The following LRMDA variants were observed in gnomAD, a reference collection of about 807,000 sequenced individuals.
LRMDA encodes leucine rich melanocyte differentiation associated, also known as leucine-rich melanocyte differentiation-associated protein.
LRMDA carries 18 observed loss-of-function variants against 29.8 expected under a neutral mutation model. That is an observed-to-expected ratio of 0.60 (90% CI 0.42 to 0.90). LRMDA has a LOEUF of 0.90. Ranked by LOEUF, LRMDA falls within the 40% of genes least tolerant of loss-of-function variation. The pLI is 0.00. For missense variants in LRMDA, 273 were observed against 273.9 expected, an observed-to-expected ratio of 1.00 and a Z score of 0.02; for synonymous variants, 125 against 109.4, an observed-to-expected ratio of 1.14 and a Z score of -0.89.
chr10:75,775,757 A>T (rs1843303527), intron 2 of LRMDA, among the ~76,000 whole-genome samples: 1 of 152,122 alleles, frequency 6.6e-6, no homozygotes, highest in African/African-American at 2.4e-5. Flanking sequence ...TTCTTATGGC[A>T]TTGTCCAAGG....
At chr10:76,527,049 C>CAA (rs34187065) in intron 6 of LRMDA, among the ~76,000 whole-genome samples, 58 of 105,500 alleles carry the variant, frequency 5.5e-4, no homozygotes, top group Non-Finnish European at 6.7e-4. Context: ...TCAGGTCTGA[C>CAA]AAAAAAAAAA....
intron 2 of LRMDA, among the ~76,000 whole-genome samples, chr10:75,980,337 C>T (rs905979985): frequency 1.3e-5 from 2 of 152,228 alleles, no homozygotes; most frequent in African/African-American, 4.8e-5. Flanking sequence ...TCCCCCTTCT[C>T]CAGCACCCAG....
At chr10:75,616,657 A>C (rs1841106244) in intron 2 of LRMDA, among the ~76,000 whole-genome samples, 1 of 152,192 alleles carries the variant, frequency 6.6e-6, no homozygotes, top group Admixed American at 6.5e-5. Flanking sequence ...TAATACAGCA[A>C]AGCTAATTTC....
At chr10:76,349,829 G>A (rs1244171039) in intron 6 of LRMDA, among the ~76,000 whole-genome samples, 1 of 151,974 alleles carries the variant, frequency 6.6e-6, no homozygotes, top group Non-Finnish European at 1.5e-5. Context: ...CCAATCCTAA[G>A]TTCCAGAAAT....
At chr10:75,848,065 A>G (rs1374235591) in intron 2 of LRMDA, among the ~76,000 whole-genome samples, 1 of 152,222 alleles carries the variant, frequency 6.6e-6, no homozygotes, top group Non-Finnish European at 1.5e-5. Context: ...TTCTGTATAT[A>G]TATCTGAAAG....
intron 6 of LRMDA, among the ~76,000 whole-genome samples, chr10:76,387,152 A>G (rs1161854061): frequency 6.6e-6 from 1 of 152,250 alleles, no homozygotes; most frequent in Non-Finnish European, 1.5e-5. Flanking sequence ...CTACAAAAAT[A>G]TGGTAGCTAC....
At chr10:76,219,355 G>A (rs1054935584) in intron 5 of LRMDA, among the ~76,000 whole-genome samples, 1 of 152,146 alleles carries the variant, frequency 6.6e-6, no homozygotes, top group Non-Finnish European at 1.5e-5. Flanking sequence ...TCAGTGTGCT[G>A]TATTCAGGAA....
intron 2 of LRMDA, among the ~76,000 whole-genome samples, chr10:76,013,588 TAAAATGTGTTAATAGA>T: frequency 6.6e-6 from 1 of 151,892 alleles, no homozygotes; most frequent in Non-Finnish European, 1.5e-5. Flanking sequence ...GGGCAACAGG[TAAAATGTGTTAATAGA>T]AAGCTCCACT....
intron 5 of LRMDA, among the ~76,000 whole-genome samples, chr10:76,071,141 T>G (rs1052601807): frequency 5.9e-5 from 9 of 152,190 alleles, no homozygotes; most frequent in Non-Finnish European, 1.3e-4. Context: ...AAATGAAGGC[T>G]GATGTTTAGA....
intron 6 of LRMDA, among the ~76,000 whole-genome samples, chr10:76,551,529 G>A (rs2637253): frequency 1.3e-5 from 2 of 151,944 alleles, no homozygotes; most frequent in Admixed American, 6.6e-5. Flanking sequence ...TTACAAAGCC[G>A]TACACATTTG....
chr10:75,931,209 T>C (rs1423931796), intron 2 of LRMDA, among the ~76,000 whole-genome samples: 1 of 152,326 alleles, frequency 6.6e-6, no homozygotes. Context: ...TAAAACGGTC[T>C]GAAGATGTCA....
At chr10:76,494,286 T>A (rs570976721) in intron 6 of LRMDA, among the ~76,000 whole-genome samples, 5 of 151,776 alleles carry the variant, frequency 3.3e-5, no homozygotes, top group African/African-American at 9.6e-5. Flanking sequence ...TAACTAAAAA[T>A]TTAGTTTTTA....
At chr10:76,528,225 A>G (rs1224287595) in intron 6 of LRMDA, among the ~76,000 whole-genome samples, 4 of 152,302 alleles carry the variant, frequency 2.6e-5, no homozygotes, top group African/African-American at 7.2e-5. Flanking sequence ...AATATTCACT[A>G]TAGTAATGTT....
chr10:75,628,850 G>A (rs913407276), intron 2 of LRMDA, among the ~76,000 whole-genome samples: 1 of 152,210 alleles, frequency 6.6e-6, no homozygotes, highest in Non-Finnish European at 1.5e-5. Flanking sequence ...ATGCTGAGAA[G>A]GTGCAGGCTG....
At chr10:75,473,896 A>G (rs1480862821) in intron 2 of LRMDA, among the ~76,000 whole-genome samples, 2 of 152,210 alleles carry the variant, frequency 1.3e-5, no homozygotes, top group Non-Finnish European at 2.9e-5. Context: ...ACATCACCCA[A>G]GGGTTTGTTG....
chr10:75,662,986 T>A (rs1210945652), intron 2 of LRMDA, among the ~76,000 whole-genome samples: 1 of 152,228 alleles, frequency 6.6e-6, no homozygotes, highest in Non-Finnish European at 1.5e-5. Context: ...CTTCTTGTTC[T>A]TGGAACTTTG....
intron 2 of LRMDA, among the ~76,000 whole-genome samples, chr10:76,018,596 T>C (rs2132488244): frequency 7.3e-6 from 1 of 137,680 alleles, no homozygotes; most frequent in African/African-American, 2.8e-5. Flanking sequence ...TGAGATGGAG[T>C]CTCACTCTGT....
chr10:76,511,948 A>G (rs1250598325), intron 6 of LRMDA, among the ~76,000 whole-genome samples: 1 of 152,068 alleles, frequency 6.6e-6, no homozygotes, highest in Non-Finnish European at 1.5e-5. Flanking sequence ...AAGTAGGATG[A>G]CTTGCTGGTA....
intron 6 of LRMDA, among the ~76,000 whole-genome samples, chr10:76,407,205 G>A (rs917501202): frequency 6.6e-6 from 1 of 152,224 alleles, no homozygotes; most frequent in Non-Finnish European, 1.5e-5. Context: ...AAGGCAGGGA[G>A]TGATACTCAA....
Sources: gnomAD v4.1 joint callset for allele counts (sites outside exome capture counted in the v4.1 genomes callset) on GRCh38, gnomAD v4.1.1 for gene constraint, MANE v1.5 for transcripts, NCBI Gene and HGNC (gene_info 2026-07-23, HGNC 2026-07-21) for gene names.